Variants in CENPF observed in about 807,000 individuals in gnomAD.
CENPF encodes the protein AH antigen.
In CENPF, 214 loss-of-function variants were observed where a neutral mutation model predicts 307.3. The observed-to-expected ratio is 0.70, with a 90% CI of 0.62 to 0.78. CENPF has a LOEUF of 0.78. Ranked by LOEUF, CENPF falls within the 30% of genes least tolerant of loss-of-function variation. CENPF has a pLI of 0.00. For synonymous variants in CENPF, 1,259 were observed against 1,270.6 expected (o/e 0.99, Z 0.19); for missense variants, 3,401 against 3,483.9 (o/e 0.98, Z 0.60).
Position 214,619,185 on chromosome 1 carries a change from A to G in CENPF, c.538A>G (p.Arg180Gly). The G allele has an allele frequency of 6.3e-7, 1 of 1,587,712 alleles. No individual in the cohort carries two copies. The highest frequency in any genetic ancestry group is 8.6e-7 in the Non-Finnish European group (1 of 1,158,824). Residue 180 changes from arginine to glycine, a missense_variant, in exon 5 of 20, where the codon AGA (arginine) becomes GGA (glycine). Arg to Gly is a moderately radical substitution (Grantham distance 125). Coordinates refer to ENST00000366955, the MANE Select transcript of CENPF (RefSeq NM_016343.4). The part of the protein sequence containing the change: ...KYNKEVEERK[R>G]LEAEVKALQA... ...TAATAAAGAGGTTGAAGAACGAAAA[A>G]GATTAGAGGCAGAGGTTAAAGCCTT...
In CENPF at chr1:214,641,004, A is replaced by G. The variant is rs760972648; in HGVS notation, c.2666A>G (p.Gln889Arg). 2.7e-5 allele frequency: 43 copies of G among 1,582,482 alleles called. No individual in the cohort carries two copies. The highest frequency in any genetic ancestry group is 3.7e-5 in the Non-Finnish European group (43 of 1,170,366). The change falls in exon 12 of 20, where the codon CAG becomes CGG. Residue 889 changes from glutamine to arginine, a missense_variant. Gln to Arg is a conservative substitution (Grantham distance 43, BLOSUM62 1). Coordinates refer to ENST00000366955, the MANE Select transcript of CENPF (RefSeq NM_016343.4). The stretch of plus-strand genomic sequence containing the variant: ...ACAAGTCAGCGCATTAGTAAGTTAC[A>G]GGAAGACACTTCTGCTCACCAGAAT... ...AETSQRISKL[Q>R]EDTSAHQNVV...
intron 9 of CENPF, 105 bp from the exon 10 acceptor site, chr1:214,632,375 G>C: frequency 8.3e-7 from 1 of 1,210,376 alleles, no homozygotes; most frequent in Non-Finnish European, 1.2e-6. Flanking sequence ...AAAATAGATG[G>C]CATCCATTTT....
Position 214,663,458 on chromosome 1 carries a change from G to A in CENPF, c.9142-133G>A, listed in dbSNP as rs1016829842. ...AGATGGGGCCTGTTCTCAAGGAAGA[G>A]GAAATACTTCAATTATATATAACTC... On this transcript the variant is annotated intron_variant, in intron 19 of 19. Transcript: ENST00000366955. The A allele has an allele frequency of 1.8e-5, 16 of 897,474 alleles. No homozygotes were observed. In the African/African-American group the frequency reaches 2.7e-4, roughly 15 times the overall value. 55.6% of individuals were successfully genotyped at this position (897,474 alleles called of 1,614,324 possible). A position where few individuals can be genotyped will look rare whatever the true frequency, so the allele number is the denominator to read the frequency against.
In CENPF at chr1:214,614,108, C is replaced by CTT. The variant is rs370473275; in HGVS notation, c.162+204_162+205dup. ...CCCCACCCCAGGCCCCAATCCCCTT[C>CTT]TTTTTTTTTTTTTGAGTCATTTTTA... is the stretch of plus-strand genomic sequence containing the variant. On this transcript the variant is annotated intron_variant, in intron 2 of 19. Transcript: ENST00000366955. Among the ~76,000 whole-genome samples, 3,346 of 123,014 alleles carry CTT rather than the reference C, an allele frequency of 0.027. 188 individuals carry two copies. Among genetic ancestry groups the CTT allele is most frequent in the African/African-American group, 0.1 (3,139 of 31,512 alleles). 80.7% of individuals were successfully genotyped at this position (123,014 alleles called of 152,430 possible).
chr1:214,663,916 A>C lies in CENPF; in HGVS notation c.*122A>C. ...AGTGAGGAGAAAACAATTCCTTAGAAGTCTTAAATATATTGTACTCTTTAG... is the reference window on the plus strand; with the variant it reads ...AGTGAGGAGAAAACAATTCCTTAGACGTCTTAAATATATTGTACTCTTTAG... On this transcript the variant is annotated 3_prime_UTR_variant, in exon 20 of 20. Transcript: ENST00000366955. 2 of 741,538 alleles carry C rather than the reference A, an allele frequency of 2.7e-6. No individual in the cohort carries two copies. The highest frequency in any genetic ancestry group is 1.9e-5 in the South Asian group (1 of 53,448). The allele number at this position is 741,538 out of a possible 1,614,324, so 45.9% of individuals were successfully genotyped here.
chr1:214,663,781 G>A lies in CENPF; in HGVS notation c.9332G>A (p.Cys3111Tyr), dbSNP rs770043283. ...CTGGAGTCCAACGGCAGTGAGAACT[G>A]TAAGGTCCAGTGAAGGCACTTTGTG... ...AGLESNGSEN[C>Y]KVQ The change falls in exon 20 of 20, where the codon TGT becomes TAT. Residue 3111 changes from cysteine to tyrosine, a missense_variant. By Grantham distance (194) the Cys-to-Tyr change is radical (BLOSUM62 -2). Coordinates refer to ENST00000366955, the MANE Select transcript of CENPF (RefSeq NM_016343.4). 2 of 1,613,884 alleles carry A rather than the reference G, an allele frequency of 1.2e-6. No individual in the cohort carries two copies. The highest frequency in any genetic ancestry group is 1.7e-5 in the Admixed American group (1 of 60,016).
At chr1:214,624,918 C>T (rs1657611518) in intron 7 of CENPF, among the ~76,000 whole-genome samples, 1 of 151,796 alleles carries the variant, frequency 6.6e-6, no homozygotes, top group Non-Finnish European at 1.5e-5. Flanking sequence ...GTCTGTTTCT[C>T]CTTTGATTTC....
At position 214,641,329 on chromosome 1, in the gene CENPF, TGA is replaced by T; in HGVS notation, c.2995_2996del (p.Ser999PhefsTer7). On this transcript the variant is annotated frameshift_variant, in exon 12 of 20. Transcript: ENST00000366955. LOFTEE classifies it high-confidence loss of function. The stretch of plus-strand genomic sequence containing the variant: ...AGAAGATGAACTTAATCCAGAAAAG[TGA>T]GAGTTTTGCAAACTATATAGATGAA... ...QEKMNLIQKS[E>X]SFANYIDERE... 4.3e-6 allele frequency: 7 copies of T among 1,612,426 alleles called. No individual in the cohort carries two copies. Among genetic ancestry groups the T allele is most frequent in the Non-Finnish European group, 5.1e-6 (6 of 1,179,622 alleles).
chr1:214,603,586 G>C (rs1656945799), intron 1 of CENPF: 1 of 152,150 alleles, frequency 6.6e-6, no homozygotes, highest in African/African-American at 2.4e-5. Flanking sequence ...GACCCTACTC[G>C]GTCACGGACT....
chr1:214,617,421 A>T (rs1657391545), intron 3 of CENPF, among the ~76,000 whole-genome samples: 2 of 152,214 alleles, frequency 1.3e-5, no homozygotes, highest in African/African-American at 4.8e-5. Context: ...GCCATTCTAA[A>T]AGAGCTTTCA....
intron 1 of CENPF, among the ~76,000 whole-genome samples, chr1:214,609,329 C>G (rs1657138462): frequency 6.6e-6 from 1 of 152,186 alleles, no homozygotes; most frequent in Non-Finnish European, 1.5e-5. Context: ...ACTCTTCATT[C>G]ATGCATGCAT....
chr1:214,662,082 AAG>A (rs1172892259), intron 19 of CENPF, among the ~76,000 whole-genome samples: 8 of 152,140 alleles, frequency 5.3e-5, no homozygotes, highest in Admixed American at 5.2e-4. Context: ...AGAAGCCAGA[AAG>A]AGTGGACGTT....
chr1:214,627,670 C>G (rs1317251037), intron 7 of CENPF, among the ~76,000 whole-genome samples: 3 of 151,884 alleles, frequency 2.0e-5, no homozygotes, highest in Non-Finnish European at 4.4e-5. Flanking sequence ...GCCACTGCAC[C>G]CGGCCCCTCC....
chr1:214,646,329 A>G lies in CENPF; in HGVS notation c.6759A>G (p.Glu2253=), dbSNP rs1394151361. The change falls in exon 13 of 20, where the codon GAA becomes GAG. Residue 2253 remains glutamate, a synonymous_variant. Transcript: ENST00000366955. ...KEQAEIQIKE[E]SKTAVEMLQN... ...AAGCAGAGATACAGATCAAAGAAGA[A>G]TCTAAAACTGCAGTGGAGATGCTTC... The G allele has an allele frequency of 1.2e-6, 2 of 1,613,902 alleles. No homozygotes were observed. Among genetic ancestry groups the G allele is most frequent in the African/African-American group, 1.3e-5 (1 of 74,890 alleles).
At chr1:214,622,561 TC>T (rs968610422) in intron 7 of CENPF, among the ~76,000 whole-genome samples, 1 of 152,194 alleles carries the variant, frequency 6.6e-6, no homozygotes, top group African/African-American at 2.4e-5. Flanking sequence ...ATATATAGCA[TC>T]TAGCATGATG....
At chr1:214,622,503 A>G (rs751007983) in intron 7 of CENPF, among the ~76,000 whole-genome samples, 1 of 152,234 alleles carries the variant, frequency 6.6e-6, no homozygotes, top group African/African-American at 2.4e-5. Flanking sequence ...TGGGCAAGTC[A>G]CTGATCTCTT....
Position 214,641,832 on chromosome 1 carries a change from AATGTCAAAATCT to A in CENPF, c.3496_3507del (p.Cys1166_Leu1169del), listed in dbSNP as rs1398589664. On this transcript the variant is annotated inframe_deletion, in exon 12 of 20. Transcript: ENST00000366955. Reference sequence around the variant, plus strand: ...ATGAAGGTAATGAAGACTAAACATGAATGTCAAAATCTAGAATCAGAACCAATTAGGAACTCT... The same window carrying A: ...ATGAAGGTAATGAAGACTAAACATGAAGAATCAGAACCAATTAGGAACTCT... 3 of 1,609,048 alleles carry A rather than the reference AATGTCAAAATCT, an allele frequency of 1.9e-6. No individual in the cohort carries two copies. Among genetic ancestry groups the A allele is most frequent in the Non-Finnish European group, 2.5e-6 (3 of 1,178,870 alleles).
At chr1:214,608,566 T>C in intron 1 of CENPF, 3 of 1,610,582 alleles carry the variant, frequency 1.9e-6, no homozygotes, top group Non-Finnish European at 2.5e-6. Flanking sequence ...GCGGGCGCTC[T>C]TGGTGGGGAA....
In CENPF at chr1:214,629,019, G is replaced by A. The variant is rs760300266; in HGVS notation, c.1069-27G>A. 26 of 1,499,654 alleles carry A rather than the reference G, an allele frequency of 1.7e-5. No homozygotes were observed. The East Asian group carries it at 5.9e-4, about 34-fold the overall frequency. 92.9% of individuals were successfully genotyped at this position (1,499,654 alleles called of 1,614,324 possible). A position where few individuals can be genotyped will look rare whatever the true frequency, so the allele number is the denominator to read the frequency against. ...CATTTATGTGAGTAATATTTATTTT[G>A]TCTTGAACATTTTTATTCATTATTA... On this transcript the variant is annotated intron_variant, in intron 7 of 19. Transcript: ENST00000366955.
Sources: gnomAD v4.1 joint callset for allele counts (sites outside exome capture counted in the v4.1 genomes callset) on GRCh38, gnomAD v4.1.1 for gene constraint, MANE v1.5 for transcripts, NCBI Gene and HGNC (gene_info 2026-07-23, HGNC 2026-07-21) for gene names.